PTPRD: variants seen among roughly 807,000 people sequenced by gnomAD.
PTPRD encodes the protein receptor-type tyrosine-protein phosphatase delta.
In PTPRD, 34 loss-of-function variants were observed where a neutral mutation model predicts 214.5. That is an observed-to-expected ratio of 0.16 (90% confidence interval 0.12 to 0.21). The LOEUF is 0.21. Among genes scored for constraint, PTPRD ranks in the 10% least tolerant of loss-of-function variants. The pLI, the probability that PTPRD is intolerant of heterozygous loss-of-function variation, is 1.00. For missense variants in PTPRD, 2,545 were observed against 2,398.7 expected, an observed-to-expected ratio of 1.06 and a Z score of -1.27; for synonymous variants, 1,128 against 845.7, an observed-to-expected ratio of 1.33 and a Z score of -5.79.
intron 9 of PTPRD, among the ~76,000 whole-genome samples, chr9:9,312,026 AAAGG>A (rs1372454065): frequency 1.3e-5 from 2 of 152,208 alleles, no homozygotes; most frequent in Admixed American, 1.3e-4. Flanking sequence ...TATTCTCAAC[AAAGG>A]AAGTGTAAAT....
chr9:10,330,527 G>T (rs975372560), intron 3 of PTPRD, among the ~76,000 whole-genome samples: 1 of 151,708 alleles, frequency 6.6e-6, no homozygotes, highest in Non-Finnish European at 1.5e-5. Flanking sequence ...TAATCAAAGG[G>T]TATCAATATT....
chr9:8,587,543 A>G (rs1478052424), intron 14 of PTPRD, among the ~76,000 whole-genome samples: 1 of 152,206 alleles, frequency 6.6e-6, no homozygotes, highest in Non-Finnish European at 1.5e-5. Flanking sequence ...GTAAAATATA[A>G]CCTTCTATAT....
chr9:10,141,068 C>G (rs2098981221), intron 3 of PTPRD, among the ~76,000 whole-genome samples: 1 of 152,100 alleles, frequency 6.6e-6, no homozygotes, highest in African/African-American at 2.4e-5. Context: ...GCTAAAAATT[C>G]TCAATAAATT....
At chr9:10,554,578 A>G (rs1381740563) in intron 2 of PTPRD, among the ~76,000 whole-genome samples, 1 of 152,164 alleles carries the variant, frequency 6.6e-6, no homozygotes, top group Non-Finnish European at 1.5e-5. Flanking sequence ...CCAGGATAAT[A>G]TATTATTTGA....
At chr9:8,488,862 C>G (rs976221971) in intron 27 of PTPRD, among the ~76,000 whole-genome samples, 2 of 152,048 alleles carry the variant, frequency 1.3e-5, no homozygotes, top group African/African-American at 4.8e-5. Context: ...TATGAAACTC[C>G]GTTGAAACGA....
intron 3 of PTPRD, among the ~76,000 whole-genome samples, chr9:10,131,656 C>G (rs549676027): frequency 2.6e-4 from 40 of 152,204 alleles, no homozygotes; most frequent in Non-Finnish European, 4.9e-4. Context: ...TAAGCACTTT[C>G]TTCATAACTC....
intron 2 of PTPRD, among the ~76,000 whole-genome samples, chr9:10,610,236 G>T (rs949106427): frequency 5.3e-5 from 8 of 152,204 alleles, no homozygotes; most frequent in African/African-American, 1.9e-4. Context: ...GGGATCAAAT[G>T]CATGTGCAAG....
intron 10 of PTPRD, among the ~76,000 whole-genome samples, chr9:9,176,314 T>A (rs931489077): frequency 6.6e-6 from 1 of 152,222 alleles, no homozygotes. Flanking sequence ...TAATCATTGA[T>A]GATTTGACCA....
intron 3 of PTPRD, among the ~76,000 whole-genome samples, chr9:10,072,484 T>A (rs1442269506): frequency 1.3e-5 from 2 of 152,020 alleles, no homozygotes; most frequent in Non-Finnish European, 2.9e-5. Context: ...CAAGATTTAT[T>A]GTGAAGGTCG....
chr9:8,697,631 C>T (rs2097951192), intron 12 of PTPRD, among the ~76,000 whole-genome samples: 1 of 149,656 alleles, frequency 6.7e-6, no homozygotes, highest in Admixed American at 6.7e-5. Flanking sequence ...CCATGTTGGC[C>T]AGGCTAGTCT....
chr9:9,117,370 A>G (rs916632008), intron 10 of PTPRD, among the ~76,000 whole-genome samples: 1 of 152,128 alleles, frequency 6.6e-6, no homozygotes, highest in African/African-American at 2.4e-5. Context: ...CTAACCTACC[A>G]TTTTAATAAC....
At chr9:10,602,757 C>G (rs377089393) in intron 2 of PTPRD, among the ~76,000 whole-genome samples, 148 of 151,888 alleles carry the variant, frequency 9.7e-4, no homozygotes, top group African/African-American at 3.5e-3. Flanking sequence ...CTGCTTCCTA[C>G]TCATTTCTTT....
At chr9:8,761,691 A>C (rs1358024387) in intron 11 of PTPRD, among the ~76,000 whole-genome samples, 1 of 152,186 alleles carries the variant, frequency 6.6e-6, no homozygotes, top group African/African-American at 2.4e-5. Flanking sequence ...TAGACATCTA[A>C]TAATACTGTT....
At chr9:9,116,077 G>C (rs1463580559) in intron 10 of PTPRD, among the ~76,000 whole-genome samples, 1 of 152,004 alleles carries the variant, frequency 6.6e-6, no homozygotes, top group South Asian at 2.1e-4. Context: ...TGGAAGGAGG[G>C]GAAGGGTTGA....
At chr9:10,068,146 T>C (rs1022746795) in intron 3 of PTPRD, among the ~76,000 whole-genome samples, 2 of 151,982 alleles carry the variant, frequency 1.3e-5, no homozygotes, top group Non-Finnish European at 2.9e-5. Flanking sequence ...AGAGTTGTTT[T>C]TGCTTTACAA....
At chr9:10,589,800 G>C (rs1286883508) in intron 2 of PTPRD, among the ~76,000 whole-genome samples, 1 of 152,020 alleles carries the variant, frequency 6.6e-6, no homozygotes, top group Non-Finnish European at 1.5e-5. Context: ...TCAAGTGATA[G>C]CTGATTTGAC....
At chr9:10,084,199 G>C (rs2098290475) in intron 3 of PTPRD, among the ~76,000 whole-genome samples, 1 of 151,902 alleles carries the variant, frequency 6.6e-6, no homozygotes, top group Non-Finnish European at 1.5e-5. Flanking sequence ...AAAATGATGA[G>C]TGATTATATG....
At chr9:9,813,066 C>A (rs887328681) in intron 5 of PTPRD, among the ~76,000 whole-genome samples, 1 of 151,470 alleles carries the variant, frequency 6.6e-6, no homozygotes, top group Non-Finnish European at 1.5e-5. Flanking sequence ...AATCAATGGG[C>A]CAAAGAAGAA....
chr9:9,995,183 C>T (rs2096077315), intron 4 of PTPRD, among the ~76,000 whole-genome samples: 1 of 152,080 alleles, frequency 6.6e-6, no homozygotes, highest in Non-Finnish European at 1.5e-5. Context: ...AAGCTAAAGG[C>T]CTCCAGAAAA....
Sources: allele counts gnomAD v4.1 joint callset (sites outside exome capture counted in the v4.1 genomes callset), GRCh38; gene constraint gnomAD v4.1.1; transcripts MANE v1.5; gene names NCBI Gene and HGNC (gene_info 2026-07-23, HGNC 2026-07-21).